Variants in PACRG observed in about 807,000 individuals in gnomAD.
The protein encoded by PACRG is parkin coregulated, also known as parkin coregulated gene protein.
PACRG carries 29 observed loss-of-function variants against 29.7 expected under a neutral mutation model. The ratio of observed to expected loss-of-function variants is 0.98; its 90% CI spans 0.73 to 1.33. The LOEUF is 1.33. Among genes scored for constraint, PACRG ranks in the 40% most tolerant of loss-of-function variants. The probability of loss-of-function intolerance (pLI) is 0.00; values close to 1 mark genes in which losing one functional copy is unlikely to be tolerated. For missense variants in PACRG, 279 were observed against 316.2 expected (o/e 0.88, Z 0.89); for synonymous variants, 116 against 118.7 (o/e 0.98, Z 0.15).
intron 1 of PACRG, among the ~76,000 whole-genome samples, chr6:162,785,852 G>C (rs529543021): frequency 6.6e-6 from 1 of 152,124 alleles, no homozygotes; most frequent in South Asian, 2.1e-4. Context: ...CCAGGGATTG[G>C]GGACCCCTAC....
chr6:163,066,067 C>T (rs367966445), intron 3 of PACRG, among the ~76,000 whole-genome samples: 6 of 152,220 alleles, frequency 3.9e-5, no homozygotes, highest in African/African-American at 7.2e-5. Context: ...TCTCTTATTA[C>T]GCAGGTAGAA....
At chr6:163,008,186 T>C (rs948851872) in intron 2 of PACRG, among the ~76,000 whole-genome samples, 14 of 152,094 alleles carry the variant, frequency 9.2e-5, no homozygotes, top group Non-Finnish European at 2.1e-4. Flanking sequence ...AAATGCACAC[T>C]CATGCTCACT....
intron 2 of PACRG, among the ~76,000 whole-genome samples, chr6:162,927,026 T>C (rs7751713): frequency 0.16 from 23,894 of 152,060 alleles, 3,119 homozygotes; most frequent in African/African-American, 0.35. Flanking sequence ...AAAGAAGATG[T>C]TTATGCAGCC....
chr6:163,179,816 A>C (rs1779567712), intron 4 of PACRG, among the ~76,000 whole-genome samples: 1 of 152,170 alleles, frequency 6.6e-6, no homozygotes, highest in Non-Finnish European at 1.5e-5. Flanking sequence ...TCCAAGTATA[A>C]GCTCTGAGTT....
At chr6:163,254,708 A>G (rs1202268550) in intron 4 of PACRG, among the ~76,000 whole-genome samples, 2 of 152,200 alleles carry the variant, frequency 1.3e-5, no homozygotes, top group Admixed American at 6.5e-5. Flanking sequence ...CTGCCCGTGC[A>G]GCAGGGCAGA....
At chr6:163,203,468 C>T (rs969802009) in intron 4 of PACRG, among the ~76,000 whole-genome samples, 15 of 152,168 alleles carry the variant, frequency 9.9e-5, no homozygotes, top group South Asian at 4.1e-4. Flanking sequence ...AGGAAACACC[C>T]TCACTGTGGA....
At chr6:162,907,283 C>A (rs1029907253) in intron 2 of PACRG, among the ~76,000 whole-genome samples, 7 of 152,006 alleles carry the variant, frequency 4.6e-5, no homozygotes, top group Admixed American at 3.3e-4. Context: ...GGCTTAGATT[C>A]AGTAGTTTAT....
At chr6:163,037,262 G>A (rs941173804) in intron 2 of PACRG, among the ~76,000 whole-genome samples, 7 of 152,194 alleles carry the variant, frequency 4.6e-5, no homozygotes, top group African/African-American at 1.7e-4. Context: ...GACATCACCT[G>A]GGTGTCAGCA....
intron 4 of PACRG, among the ~76,000 whole-genome samples, chr6:163,160,883 T>TATTA (rs749640926): frequency 7.2e-5 from 11 of 152,326 alleles, no homozygotes; most frequent in Non-Finnish European, 1.2e-4. Context: ...TCAGCTACCA[T>TATTA]ATTAAGCATT....
intron 2 of PACRG, among the ~76,000 whole-genome samples, chr6:162,969,415 TC>T (rs549889488): frequency 7.6e-4 from 116 of 152,128 alleles, no homozygotes; most frequent in African/African-American, 2.7e-3. Context: ...TGCTACCCCA[TC>T]ATCTCTTGCC....
intron 2 of PACRG, among the ~76,000 whole-genome samples, chr6:163,020,418 A>G (rs1442423783): frequency 6.6e-6 from 1 of 151,736 alleles, no homozygotes; most frequent in African/African-American, 2.4e-5. Flanking sequence ...AAAACAATAA[A>G]AATAAAACCA....
At chr6:163,177,578 C>T (rs763677680) in intron 4 of PACRG, among the ~76,000 whole-genome samples, 15 of 151,886 alleles carry the variant, frequency 9.9e-5, no homozygotes, top group African/African-American at 2.4e-4. Context: ...CAGGAGGCTG[C>T]GGGGACAGAA....
chr6:162,975,445 C>A (rs1162473122), intron 2 of PACRG, among the ~76,000 whole-genome samples: 1 of 152,240 alleles, frequency 6.6e-6, no homozygotes, highest in Admixed American at 6.5e-5. Flanking sequence ...CTCTTTACCA[C>A]AAATTCCTTG....
intron 4 of PACRG, among the ~76,000 whole-genome samples, chr6:163,094,107 C>G (rs1324094069): frequency 6.6e-6 from 1 of 152,188 alleles, no homozygotes; most frequent in Non-Finnish European, 1.5e-5. Flanking sequence ...TTCTCATGCT[C>G]TTTTCAAACG....
intron 2 of PACRG, among the ~76,000 whole-genome samples, chr6:162,878,907 G>T (rs937177707): frequency 3.3e-5 from 5 of 152,106 alleles, no homozygotes; most frequent in African/African-American, 1.2e-4. Context: ...TTATCTTCTA[G>T]AAATATTATT....
At chr6:163,053,157 A>C (rs1212757016) in intron 2 of PACRG, among the ~76,000 whole-genome samples, 1 of 152,160 alleles carries the variant, frequency 6.6e-6, no homozygotes, top group Admixed American at 6.5e-5. Context: ...TGAAAAATTT[A>C]CTGAAATACC....
At chr6:162,728,864 A>C (rs1445690650) in intron 1 of PACRG, among the ~76,000 whole-genome samples, 1 of 152,152 alleles carries the variant, frequency 6.6e-6, no homozygotes, top group Non-Finnish European at 1.5e-5. Flanking sequence ...AAATTTTAGA[A>C]TATCCTAGCA....
intron 1 of PACRG, among the ~76,000 whole-genome samples, chr6:162,772,451 A>T (rs1783296589): frequency 6.6e-6 from 1 of 152,238 alleles, no homozygotes; most frequent in African/African-American, 2.4e-5. Flanking sequence ...CCTTGCAAAG[A>T]GTAAAATAAA....
chr6:163,238,209 G>A (rs1375298550), intron 4 of PACRG, among the ~76,000 whole-genome samples: 1 of 152,100 alleles, frequency 6.6e-6, no homozygotes, highest in Non-Finnish European at 1.5e-5. Flanking sequence ...TATTATTTAA[G>A]AATGTTTTGT....
Sources: gnomAD v4.1 joint callset for allele counts (sites outside exome capture counted in the v4.1 genomes callset) on GRCh38, gnomAD v4.1.1 for gene constraint, MANE v1.5 for transcripts, NCBI Gene and HGNC (gene_info 2026-07-23, HGNC 2026-07-21) for gene names.